The following FLT1 variants were observed in gnomAD, a reference collection of about 807,000 sequenced individuals.
FLT1 encodes vascular endothelial growth factor receptor 1.
A neutral mutation model predicts 156.3 loss-of-function variants in FLT1; 49 were observed. The ratio of observed to expected loss-of-function variants is 0.31; its 90% confidence interval spans 0.25 to 0.40. The LOEUF (loss-of-function observed/expected upper bound fraction) is 0.40, where lower values mean the gene tolerates loss of function less well. Among genes scored for constraint, FLT1 ranks in the 10% least tolerant of loss-of-function variants. The pLI is 1.00. For synonymous variants in FLT1, 594 were observed against 583.8 expected, an observed-to-expected ratio of 1.02 and a Z score of -0.25; for missense variants, 1,322 against 1,637.2, an observed-to-expected ratio of 0.81 and a Z score of 3.32.
intron 11 of FLT1, among the ~76,000 whole-genome samples, chr13:28,403,310 G>GT (rs1376410301): frequency 6.6e-6 from 1 of 152,142 alleles, no homozygotes; most frequent in Non-Finnish European, 1.5e-5. Flanking sequence ...AATCTTCTGC[G>GT]TAACTGTAAA....
At chr13:28,372,063 TATATA>T (rs1873607099) in intron 14 of FLT1, among the ~76,000 whole-genome samples, 3 of 29,918 alleles carry the variant, frequency 1.0e-4, no homozygotes, top group African/African-American at 2.8e-4. Context: ...TATATATATA[TATATA>T]TATATATATT....
At chr13:28,434,608 C>A (rs1281640482) in intron 4 of FLT1, among the ~76,000 whole-genome samples, 2 of 152,118 alleles carry the variant, frequency 1.3e-5, no homozygotes, top group African/African-American at 2.4e-5. Context: ...AGAGGCCGGG[C>A]GTGGTGGCTC....
intron 1 of FLT1, among the ~76,000 whole-genome samples, chr13:28,493,805 C>T (rs78698345): frequency 5.3e-5 from 8 of 152,236 alleles, no homozygotes; most frequent in Admixed American, 2.0e-4. Context: ...AAACCCCCGG[C>T]CCCTGACTGT....
chr13:28,345,529 C>T lies in FLT1; in HGVS notation c.2271G>A (p.Leu757=). Reference sequence around the variant, plus strand: ...AGGTGCATGTTAGAGTGATCAGCTCCAGATTAGACTTGTCCGAGGTTCCTG... The same window carrying T: ...AGGTGCATGTTAGAGTGATCAGCTCTAGATTAGACTTGTCCGAGGTTCCTG... ...TVQGTSDKSN[L]ELITLTCTCV... Residue 757 remains leucine (L), a synonymous_variant, in exon 16 of 30, where the codon CTG becomes CTA. Coordinates refer to ENST00000282397, the MANE Select transcript of FLT1 (RefSeq NM_002019.4). The T allele has an allele frequency of 6.2e-7, 1 of 1,611,262 alleles. No homozygotes were observed. Among genetic ancestry groups the T allele is most frequent in the East Asian group, 2.2e-5 (1 of 44,856 alleles).
intron 3 of FLT1, among the ~76,000 whole-genome samples, chr13:28,449,499 T>C (rs1184044872): frequency 1.3e-5 from 2 of 152,134 alleles, no homozygotes; most frequent in African/African-American, 2.4e-5. Context: ...ATAACAACTG[T>C]CGCCACTATT....
At chr13:28,312,425 A>T (rs1434103067) in intron 25 of FLT1, among the ~76,000 whole-genome samples, 1 of 152,138 alleles carries the variant, frequency 6.6e-6, no homozygotes, top group Non-Finnish European at 1.5e-5. Context: ...GCAATTCGGA[A>T]AGGAAACCCC....
intron 12 of FLT1, among the ~76,000 whole-genome samples, chr13:28,395,194 G>A (rs914298716): frequency 6.6e-5 from 10 of 152,198 alleles, no homozygotes; most frequent in African/African-American, 2.4e-4. Flanking sequence ...GTATTTAATG[G>A]CTTGTTTGCT....
chr13:28,419,465 T>C (rs1391779295), intron 10 of FLT1, among the ~76,000 whole-genome samples: 1 of 152,220 alleles, frequency 6.6e-6, no homozygotes, highest in Non-Finnish European at 1.5e-5. Context: ...ATCTGTAAAT[T>C]TGGCCAAAGA....
Position 28,494,137 on chromosome 13 carries a change from G to T in FLT1, c.64+643C>A, listed in dbSNP as rs57052697. 6.8e-3 allele frequency among the ~76,000 whole-genome samples: 1,030 copies of T among 152,270 alleles called. 9 individuals are homozygous for T. Among genetic ancestry groups the T allele is most frequent in the African/African-American group, 0.023 (946 of 41,558 alleles). ...GGGGAGGAGCGGGCGCTCGCCGAGC[G>T]TTCCCCGGGACAGTCCGGCTTGGGG... On this transcript the variant is annotated intron_variant, in intron 1 of 29. Coordinates refer to ENST00000282397, the MANE Select transcript of FLT1 (RefSeq NM_002019.4).
chr13:28,421,529 C>T (rs1321149104), intron 10 of FLT1, among the ~76,000 whole-genome samples: 2 of 76,076 alleles, frequency 2.6e-5, no homozygotes, highest in Non-Finnish European at 5.8e-5. Flanking sequence ...GGAGGAGCTG[C>T]TGCACTTTTT....
rs1872232495 is a variant in FLT1 at position 28,339,160 on chromosome 13, T to C, written c.2488+8A>G. 2 of 1,613,662 alleles carry C rather than the reference T, an allele frequency of 1.2e-6. No individual in the cohort carries two copies. The highest frequency in any genetic ancestry group is 2.2e-5 in the South Asian group (2 of 91,068). ...TAGGTTTATGAATCTGTTGAACAAATATCTTACCCAGTTTAAGTCTCTCCC... is the reference window on the plus strand; with the variant it reads ...TAGGTTTATGAATCTGTTGAACAAACATCTTACCCAGTTTAAGTCTCTCCC... On this transcript the variant is annotated splice_region_variant and intron_variant, in intron 17 of 29. Transcript: ENST00000282397.
At chr13:28,464,357 T>C (rs923598063) in intron 3 of FLT1, among the ~76,000 whole-genome samples, 6 of 152,208 alleles carry the variant, frequency 3.9e-5, no homozygotes, top group Non-Finnish European at 8.8e-5. Context: ...AAGGCAGACA[T>C]GATAAATACA....
At chr13:28,331,715 C>A (rs1224142619) in intron 18 of FLT1, among the ~76,000 whole-genome samples, 1 of 152,214 alleles carries the variant, frequency 6.6e-6, no homozygotes, top group African/African-American at 2.4e-5. Flanking sequence ...AGGCATGAGC[C>A]ATCACGCCGG....
intron 10 of FLT1, among the ~76,000 whole-genome samples, chr13:28,426,660 G>C (rs1283215365): frequency 6.6e-6 from 1 of 152,208 alleles, no homozygotes; most frequent in African/African-American, 2.4e-5. Flanking sequence ...GATAAATAAA[G>C]CCCTCTTAGG....
At chr13:28,442,264 C>T (rs1184835166) in intron 3 of FLT1, among the ~76,000 whole-genome samples, 1 of 151,578 alleles carries the variant, frequency 6.6e-6, no homozygotes, top group African/African-American at 2.4e-5. Flanking sequence ...AACACAAACA[C>T]TAAGAAATGG....
chr13:28,308,482 G>C, intron 28 of FLT1: 3 of 336,106 alleles, frequency 8.9e-6, no homozygotes, highest in Non-Finnish European at 1.7e-5. Context: ...GCAGGAACGC[G>C]CTCTCTGTTA....
chr13:28,331,496 T>C (rs1871929371), intron 18 of FLT1, among the ~76,000 whole-genome samples: 2 of 152,194 alleles, frequency 1.3e-5, no homozygotes, highest in South Asian at 2.1e-4. Context: ...AGTGGCGTGA[T>C]CTTAGCTTAC....
intron 1 of FLT1, among the ~76,000 whole-genome samples, chr13:28,470,922 C>A (rs974093739): frequency 3.9e-5 from 6 of 152,098 alleles, no homozygotes; most frequent in Admixed American, 1.3e-4. Context: ...AACTCCTGAC[C>A]TCAGGTGATC....
At chr13:28,421,077 C>G (rs149544929) in intron 10 of FLT1, among the ~76,000 whole-genome samples, 1 of 152,000 alleles carries the variant, frequency 6.6e-6, no homozygotes, top group Admixed American at 6.6e-5. Context: ...CCCCAGCCCC[C>G]CATAGTACTC....
Sources: allele counts gnomAD v4.1 joint callset (sites outside exome capture counted in the v4.1 genomes callset), GRCh38; gene constraint gnomAD v4.1.1; transcripts MANE v1.5; gene names NCBI Gene and HGNC (gene_info 2026-07-23, HGNC 2026-07-21).